The following DOK5 variants were observed in gnomAD, a reference collection of about 807,000 sequenced individuals.
The protein encoded by DOK5 is downstream of tyrosine kinase 5.
DOK5 carries 27 observed loss-of-function variants against 43.3 expected under a neutral mutation model. The ratio of observed to expected loss-of-function variants is 0.62; its 90% CI spans 0.46 to 0.86. The LOEUF is 0.86. Among genes scored for constraint, DOK5 ranks in the 40% least tolerant of loss-of-function variants. The pLI is 0.00. For missense variants in DOK5, 373 were observed against 392.9 expected, an observed-to-expected ratio of 0.95 and a Z score of 0.43; for synonymous variants, 146 against 140.1, an observed-to-expected ratio of 1.04 and a Z score of -0.30.
chr20:54,507,189 G>A (rs1390301600), intron 1 of DOK5, among the ~76,000 whole-genome samples: 9 of 152,150 alleles, frequency 5.9e-5, no homozygotes, highest in Admixed American at 5.9e-4. Context: ...TGCCTTTAAG[G>A]AGATCAAGGG....
At chr20:54,578,113 G>A (rs17327539) in intron 2 of DOK5, among the ~76,000 whole-genome samples, 7,875 of 152,172 alleles carry the variant, frequency 0.052, 241 homozygotes, top group Middle Eastern at 0.095. Context: ...AGGATCACAA[G>A]TATACTTCAT....
At chr20:54,559,756 A>G (rs1984838738) in intron 2 of DOK5, among the ~76,000 whole-genome samples, 1 of 152,250 alleles carries the variant, frequency 6.6e-6, no homozygotes, top group Non-Finnish European at 1.5e-5. Context: ...TCTAGGGAAC[A>G]CAGTCTGGGA....
chr20:54,617,824 A>G (rs1047934593), intron 6 of DOK5, among the ~76,000 whole-genome samples: 5 of 152,234 alleles, frequency 3.3e-5, no homozygotes, highest in African/African-American at 9.6e-5. Flanking sequence ...GGCACTTGCT[A>G]GTAATACGAT....
Position 54,480,969 on chromosome 20 carries a change from C to CT in DOK5, c.66+4957_66+4958insT, listed in dbSNP as rs1555822335. On this transcript the variant is annotated intron_variant, in intron 1 of 7. Transcript: ENST00000262593. ...TATCTATCATCTATCTATCATCTAT[C>CT]ATCTATCTATCTATCATCTATCATC... Among the ~76,000 whole-genome samples, 99 of 102,616 alleles carry CT rather than the reference C, an allele frequency of 9.6e-4. 1 individual carries two copies. The highest frequency in any genetic ancestry group is 3.3e-3 in the Admixed American group (31 of 9,538). 67.3% of individuals were successfully genotyped at this position (102,616 alleles called of 152,430 possible). A position where few individuals can be genotyped will look rare whatever the true frequency, so the allele number is the denominator to read the frequency against.
At position 54,611,798 on chromosome 20, in the gene DOK5, T is replaced by C. The variant is rs6098113; in HGVS notation, c.735+1275T>C. Among the ~76,000 whole-genome samples the C allele has an allele frequency of 8.2e-3, 1,251 of 152,172 alleles. 17 individuals are homozygous for C. Among genetic ancestry groups the C allele is most frequent in the African/African-American group, 0.029 (1,195 of 41,502 alleles). ...TTTATGATTGAAACATGTGGGGTGG[T>C]TGGATTTAAAGAGTGGAGGGGCAAA... On this transcript the variant is annotated intron_variant, in intron 6 of 7. Coordinates refer to ENST00000262593, the MANE Select transcript of DOK5 (RefSeq NM_018431.5).
chr20:54,615,777 G>T (rs1157824459), intron 6 of DOK5, among the ~76,000 whole-genome samples: 1 of 152,150 alleles, frequency 6.6e-6, no homozygotes, highest in South Asian at 2.1e-4. Context: ...GGGCGTGGTG[G>T]CGTGTGCCTG....
intron 6 of DOK5, among the ~76,000 whole-genome samples, chr20:54,615,232 T>A (rs547504660): frequency 6.6e-6 from 1 of 152,060 alleles, no homozygotes; most frequent in Non-Finnish European, 1.5e-5. Context: ...CCAAAACTCA[T>A]AAAGAAGGGG....
chr20:54,575,202 C>T (rs67907005), intron 2 of DOK5, among the ~76,000 whole-genome samples: 7,868 of 152,166 alleles, frequency 0.052, 238 homozygotes, highest in Middle Eastern at 0.092. Context: ...GAATCATTTA[C>T]AAAATATGGA....
At chr20:54,505,446 T>C (rs889853887) in intron 1 of DOK5, among the ~76,000 whole-genome samples, 6 of 152,056 alleles carry the variant, frequency 3.9e-5, no homozygotes, top group Non-Finnish European at 1.5e-5. Flanking sequence ...TACCTATAAA[T>C]TCAATTCCCA....
At chr20:54,592,516 G>T (rs1600722566) in intron 5 of DOK5, among the ~76,000 whole-genome samples, 1 of 151,680 alleles carries the variant, frequency 6.6e-6, no homozygotes, top group African/African-American at 2.4e-5. Context: ...CAGAATTTAG[G>T]CTTCGTTTGG....
intron 2 of DOK5, among the ~76,000 whole-genome samples, chr20:54,562,997 G>T (rs1361205152): frequency 6.6e-6 from 1 of 152,128 alleles, no homozygotes; most frequent in Non-Finnish European, 1.5e-5. Context: ...CCCATAGCTG[G>T]TACCCTTATA....
At chr20:54,598,489 G>A (rs986301087) in intron 5 of DOK5, among the ~76,000 whole-genome samples, 4 of 152,120 alleles carry the variant, frequency 2.6e-5, no homozygotes, top group African/African-American at 9.7e-5. Flanking sequence ...TGTAGAGAAG[G>A]GTGGCAGGTG....
intron 1 of DOK5, among the ~76,000 whole-genome samples, chr20:54,538,096 C>A (rs547777262): frequency 5.3e-4 from 81 of 152,084 alleles, no homozygotes; most frequent in African/African-American, 1.9e-3. Flanking sequence ...CTCGGCCTCC[C>A]AAAGTGTTGG....
At position 54,475,650 on chromosome 20, in the gene DOK5, GCTC is replaced by G. The variant is rs1981385974; in HGVS notation, c.-288_-286del. On this transcript the variant is annotated 5_prime_UTR_variant, in exon 1 of 8. Coordinates refer to ENST00000262593, the MANE Select transcript of DOK5 (RefSeq NM_018431.5). The surrounding 1 kb of genome is among the most constrained non-coding windows in gnomAD (Gnocchi z 4.2). Reference sequence around the variant, plus strand: ...AGGGCTGGATCCCTCAGCCGCCGCCGCTCCTCCTCCTGGCAGGCCGGCCGCGGA... The same window carrying G: ...AGGGCTGGATCCCTCAGCCGCCGCCGCTCCTCCTGGCAGGCCGGCCGCGGA... 6.2e-6 allele frequency: 3 copies of G among 483,416 alleles called. No individual in the cohort carries two copies. In the East Asian group the frequency reaches 1.2e-4, roughly 19 times the overall value. 29.9% of individuals were successfully genotyped at this position (483,416 alleles called of 1,614,324 possible). A position where few individuals can be genotyped will look rare whatever the true frequency, so the allele number is the denominator to read the frequency against.
chr20:54,503,784 G>T (rs1317177549), intron 1 of DOK5, among the ~76,000 whole-genome samples: 1 of 152,150 alleles, frequency 6.6e-6, no homozygotes, highest in Non-Finnish European at 1.5e-5. Flanking sequence ...CAGGGTCTAG[G>T]TGCTCCTAGT....
At chr20:54,599,797 C>T (rs1325859173) in intron 5 of DOK5, among the ~76,000 whole-genome samples, 2 of 152,196 alleles carry the variant, frequency 1.3e-5, no homozygotes, top group Non-Finnish European at 2.9e-5. Context: ...AAGAATCATT[C>T]CTTCCTTTAT....
intron 2 of DOK5, among the ~76,000 whole-genome samples, chr20:54,571,639 G>A (rs976246770): frequency 1.3e-5 from 2 of 151,962 alleles, no homozygotes; most frequent in Non-Finnish European, 2.9e-5. Flanking sequence ...GGGAAGGGGG[G>A]TGGGCAAAAT....
chr20:54,554,680 G>A (rs1984651063), intron 1 of DOK5, among the ~76,000 whole-genome samples: 1 of 152,168 alleles, frequency 6.6e-6, no homozygotes, highest in Non-Finnish European at 1.5e-5. Flanking sequence ...AATATACCTA[G>A]TGATATTGCT....
chr20:54,532,085 C>A (rs1308963207), intron 1 of DOK5, among the ~76,000 whole-genome samples: 1 of 152,166 alleles, frequency 6.6e-6, no homozygotes, highest in Non-Finnish European at 1.5e-5. Flanking sequence ...GACAAATACC[C>A]TCCACCTCTG....
Sources: gnomAD v4.1 joint callset for allele counts (sites outside exome capture counted in the v4.1 genomes callset) on GRCh38, gnomAD v4.1.1 for gene constraint, Gnocchi (gnomAD v3.1) non-coding constraint, MANE v1.5 for transcripts, NCBI Gene and HGNC (gene_info 2026-07-23, HGNC 2026-07-21) for gene names.